Variants in SASH1 observed in about 807,000 individuals in gnomAD.
The protein encoded by SASH1 is SAM and SH3 domain containing 1.
Under a neutral mutation model 125.2 loss-of-function variants are expected in SASH1, and 44 were observed. That is an observed-to-expected ratio of 0.35 (90% CI 0.28 to 0.45). The LOEUF (loss-of-function observed/expected upper bound fraction) is 0.45, where lower values mean the gene tolerates loss of function less well. Among genes scored for constraint, SASH1 ranks in the 20% least tolerant of loss-of-function variants. The pLI, the probability that SASH1 is intolerant of heterozygous loss-of-function variation, is 1.00. For synonymous variants in SASH1, 639 were observed against 649.1 expected, an observed-to-expected ratio of 0.98 and a Z score of 0.24; for missense variants, 1,426 against 1,614.5, an observed-to-expected ratio of 0.88 and a Z score of 2.00.
intron 2 of SASH1, among the ~76,000 whole-genome samples, chr6:148,420,706 CCTTTGT>C (rs537040157): frequency 5.9e-5 from 9 of 151,946 alleles, no homozygotes; most frequent in Admixed American, 2.0e-4. Flanking sequence ...CGTTATGTAC[CCTTTGT>C]CTTTGTCTTT....
At position 148,362,777 on chromosome 6, in the gene SASH1, G is replaced by A. The variant is rs117520325; in HGVS notation, c.156+19554G>A. ...GCAGGAGGATCACCTTAGCCCAGGA[G>A]GTTGAGGCTGCAGTGAGCCATGATT... On this transcript the variant is annotated intron_variant, in intron 1 of 19. Transcript: ENST00000367467. 4.6e-4 allele frequency among the ~76,000 whole-genome samples: 70 copies of A among 152,216 alleles called. No homozygotes were observed. The East Asian group carries it at 0.013, about 28-fold the overall frequency.
chr6:148,225,743 A>G, the SASH1 span, among the ~76,000 whole-genome samples: 16 of 152,248 alleles, frequency 1.1e-4, no homozygotes, highest in Non-Finnish European at 1.9e-4. Flanking sequence ...TAAAATAAAA[A>G]TAAAGGTTGA....
chr6:148,302,802 G>A (rs561189102), intron 1 of SASH1, among the ~76,000 whole-genome samples: 53 of 132,318 alleles, frequency 4.0e-4, no homozygotes, highest in African/African-American at 1.4e-3. Flanking sequence ...GTATATATTC[G>A]AACTCCTGAC....
chr6:148,212,272 A>G, the SASH1 span, among the ~76,000 whole-genome samples: 13 of 152,192 alleles, frequency 8.5e-5, no homozygotes, highest in Non-Finnish European at 1.6e-4. Context: ...ATGAGCATGA[A>G]GGTAGGAGAA....
intron 1 of SASH1, among the ~76,000 whole-genome samples, chr6:148,314,818 G>A (rs1260408860): frequency 8.1e-5 from 12 of 148,732 alleles, no homozygotes; most frequent in Admixed American, 4.1e-4. Context: ...GTGCAGTGCC[G>A]CGATCTTGGC....
chr6:148,419,656 CG>C (rs1562395175), intron 2 of SASH1, among the ~76,000 whole-genome samples: 1 of 152,124 alleles, frequency 6.6e-6, no homozygotes, highest in African/African-American at 2.4e-5. Flanking sequence ...ACAGACCATC[CG>C]TTTTCTGCCC....
chr6:148,428,977 C>T (rs751367785), intron 2 of SASH1, among the ~76,000 whole-genome samples: 16 of 151,970 alleles, frequency 1.1e-4, no homozygotes, highest in Admixed American at 6.6e-4. Context: ...TCGAGCAATA[C>T]GGGTGAAATG....
At chr6:148,447,997 T>A (rs961022225) in intron 4 of SASH1, among the ~76,000 whole-genome samples, 1 of 152,016 alleles carries the variant, frequency 6.6e-6, no homozygotes, top group Non-Finnish European at 1.5e-5. Flanking sequence ...TCTTAAAACC[T>A]CAGCTCTGGG....
the SASH1 span, among the ~76,000 whole-genome samples, chr6:148,265,717 A>AT: frequency 2.0e-5 from 3 of 152,232 alleles, no homozygotes; most frequent in African/African-American, 7.2e-5. Flanking sequence ...AGCTAAAAAA[A>AT]GCCATCTGAG....
chr6:148,546,486 T>C (rs974234757), intron 19 of SASH1, among the ~76,000 whole-genome samples: 9 of 152,106 alleles, frequency 5.9e-5, no homozygotes, highest in Non-Finnish European at 4.4e-5. Flanking sequence ...CTGGGCAACA[T>C]AGTGAGACCC....
chr6:148,455,610 C>T (rs1172638915), intron 4 of SASH1, among the ~76,000 whole-genome samples: 2 of 152,152 alleles, frequency 1.3e-5, no homozygotes, highest in Non-Finnish European at 2.9e-5. Context: ...GACAGAGATG[C>T]TTGGGAATTT....
chr6:148,204,337 C>T, the SASH1 span, among the ~76,000 whole-genome samples: 4 of 152,294 alleles, frequency 2.6e-5, no homozygotes, highest in South Asian at 8.3e-4. Flanking sequence ...GAATTATCTG[C>T]AAGACTTTTT....
intron 1 of SASH1, among the ~76,000 whole-genome samples, chr6:148,305,497 C>A (rs977801585): frequency 3.3e-5 from 5 of 151,952 alleles, no homozygotes; most frequent in Non-Finnish European, 7.4e-5. Context: ...GTGGCGGGCA[C>A]CTATAATCCC....
At chr6:148,527,988 T>TGGGG (rs373045911) in intron 12 of SASH1, among the ~76,000 whole-genome samples, 1 of 115,160 alleles carries the variant, frequency 8.7e-6, no homozygotes, top group African/African-American at 3.4e-5. Flanking sequence ...TTTTTTTTTT[T>TGGGG]GGGGGGGGGG....
upstream of SASH1, among the ~76,000 whole-genome samples, chr6:148,267,896 G>A (rs946279014): frequency 2.6e-5 from 4 of 152,218 alleles, no homozygotes; most frequent in African/African-American, 7.2e-5. Context: ...GAAACAATGT[G>A]TTGAATCATA....
intron 1 of SASH1, among the ~76,000 whole-genome samples, chr6:148,377,373 A>G (rs1782956198): frequency 6.6e-6 from 1 of 152,048 alleles, no homozygotes; most frequent in African/African-American, 2.4e-5. Context: ...CTTTATTTTA[A>G]AATCTTAGTT....
At chr6:148,361,918 T>TTC (rs1314604477) in intron 1 of SASH1, among the ~76,000 whole-genome samples, 3 of 126,254 alleles carry the variant, frequency 2.4e-5, no homozygotes, top group African/African-American at 8.4e-5. Context: ...CTTTTTCTTT[T>TTC]TTTTTTTTTT....
At chr6:148,209,771 C>T in the SASH1 span, among the ~76,000 whole-genome samples, 21 of 152,128 alleles carry the variant, frequency 1.4e-4, no homozygotes, top group Non-Finnish European at 2.5e-4. Context: ...TTGGCTGTTC[C>T]GGTTGCATCT....
At chr6:148,337,382 C>A (rs1363390503) in intron 1 of SASH1, among the ~76,000 whole-genome samples, 3 of 152,156 alleles carry the variant, frequency 2.0e-5, no homozygotes, top group Non-Finnish European at 4.4e-5. Flanking sequence ...CGCCACCACG[C>A]CTGGCAAATT....
Sources: allele counts gnomAD v4.1 joint callset (sites outside exome capture counted in the v4.1 genomes callset), GRCh38; gene constraint gnomAD v4.1.1; transcripts MANE v1.5; gene names NCBI Gene and HGNC (gene_info 2026-07-23, HGNC 2026-07-21).